The following RAB37 variants were observed in gnomAD, a reference collection of about 807,000 sequenced individuals.
RAB37 encodes the protein RAB37, member RAS oncogene family, also known as ras-related protein Rab-37.
A neutral mutation model predicts 33.1 loss-of-function variants in RAB37; 29 were observed. That is an observed-to-expected ratio of 0.88 (90% CI 0.65 to 1.20). The LOEUF is 1.20. Ranked by LOEUF, RAB37 falls within the 50% of genes most tolerant of loss-of-function variation. The pLI is 0.00. For missense variants in RAB37, 299 were observed against 301.1 expected (o/e 0.99, Z 0.05); for synonymous variants, 128 against 119.5 (o/e 1.07, Z -0.47).
intron 1 of RAB37, among the ~76,000 whole-genome samples, chr17:74,718,481 T>C (rs1000726921): frequency 6.6e-6 from 1 of 152,166 alleles, no homozygotes; most frequent in African/African-American, 2.4e-5. Flanking sequence ...ACCTGCTCCT[T>C]GACAAAGTGG....
intron 1 of RAB37, chr17:74,703,202 C>A: frequency 7.1e-7 from 1 of 1,405,786 alleles, no homozygotes; most frequent in Non-Finnish European, 1.0e-6. Flanking sequence ...ATGAGCCCAC[C>A]CGCAGCCCTG....
intron 1 of RAB37, among the ~76,000 whole-genome samples, chr17:74,677,914 A>G (rs113041702): frequency 8.2e-4 from 125 of 152,210 alleles, no homozygotes; most frequent in Admixed American, 2.0e-3. Flanking sequence ...TTTGTGAGAA[A>G]ATGTCTGAGA....
rs757261313 is a variant in RAB37, at chr17:74,742,211, A to G, written c.205-43A>G. The G allele has an allele frequency of 6.2e-7, 1 of 1,607,972 alleles. No individual in the cohort carries two copies. Among genetic ancestry groups the G allele is most frequent in the East Asian group, 2.2e-5 (1 of 44,644 alleles). Reference sequence around the variant, plus strand: ...AGGACGTCTGCAGAGCTGAGGAGCCACATGACTCCTGCCCTCCCATCCTCT... The same window carrying G: ...AGGACGTCTGCAGAGCTGAGGAGCCGCATGACTCCTGCCCTCCCATCCTCT... On this transcript the variant is annotated intron_variant, in intron 2 of 8. Transcript: ENST00000392613. This position sits in a 1 kb window ranked among gnomAD's most constrained non-coding sequence, Gnocchi z 4.0.
At chr17:74,715,108 G>C (rs1409238616) in intron 1 of RAB37, among the ~76,000 whole-genome samples, 1 of 152,148 alleles carries the variant, frequency 6.6e-6, no homozygotes, top group Admixed American at 6.6e-5. Flanking sequence ...GGCAACAAGA[G>C]TGAAACTCCA....
At chr17:74,731,035 T>C (rs747080118) in intron 2 of RAB37, among the ~76,000 whole-genome samples, 2 of 152,222 alleles carry the variant, frequency 1.3e-5, no homozygotes, top group Non-Finnish European at 2.9e-5. Context: ...GATGTTCTGG[T>C]GCATCTCAGG....
chr17:74,688,074 C>T (rs2032089206), intron 1 of RAB37, among the ~76,000 whole-genome samples: 1 of 152,104 alleles, frequency 6.6e-6, no homozygotes, highest in Admixed American at 6.6e-5. Context: ...CAACCAATAC[C>T]CTTCAGTCTC....
rs1017255669 is a variant in RAB37 at position 74,676,155 on chromosome 17, T to C, written c.72+4497T>C. On this transcript the variant is annotated intron_variant, in intron 1 of 7. Coordinates refer to the RAB37 transcript ENST00000340415. The surrounding 1 kb of genome is among the most constrained non-coding windows in gnomAD (Gnocchi z 4.1). ...TCCCAGAAAATGAAAAGATTTTCAT[T>C]TCATTTTCACAGAGAGGGCAAGCTT... Among the ~76,000 whole-genome samples, 17 of 152,026 alleles carry C rather than the reference T, an allele frequency of 1.1e-4. No homozygotes were observed. Among genetic ancestry groups the C allele is most frequent in the Non-Finnish European group, 2.2e-4 (15 of 67,990 alleles).
intron 1 of RAB37, among the ~76,000 whole-genome samples, chr17:74,718,202 G>A (rs2034191227): frequency 6.6e-6 from 1 of 151,612 alleles, no homozygotes; most frequent in South Asian, 2.1e-4. Flanking sequence ...GCTGAGGCAG[G>A]GGAATCACCT....
chr17:74,729,216 A>G lies in RAB37; in HGVS notation c.73-40A>G, dbSNP rs1189547585. The G allele has an allele frequency of 6.7e-7, 1 of 1,500,388 alleles. No individual in the cohort carries two copies. The highest frequency in any genetic ancestry group is 9.3e-7 in the Non-Finnish European group (1 of 1,076,366). The allele number at this position is 1,500,388 out of a possible 1,614,324, so 92.9% of individuals were successfully genotyped here. A position where few individuals can be genotyped will look rare whatever the true frequency, so the allele number is the denominator to read the frequency against. ...AAGGACACCTCTGAGGCCAACTCAC[A>G]TCACAGGCCCTCAGCTCTCTCTCTA... On this transcript the variant is annotated intron_variant, in intron 1 of 7. Coordinates refer to the RAB37 transcript ENST00000340415. This position sits in a 1 kb window ranked among gnomAD's most constrained non-coding sequence, Gnocchi z 4.2.
At chr17:74,723,169 A>G (rs1274128417) in intron 1 of RAB37, among the ~76,000 whole-genome samples, 2 of 152,220 alleles carry the variant, frequency 1.3e-5, no homozygotes, top group East Asian at 1.9e-4. Flanking sequence ...AGATTATAGC[A>G]GTGTATAACA....
rs146575164 is a variant in RAB37, at chr17:74,717,057, C to A, written c.73-12199C>A. On this transcript the variant is annotated intron_variant, in intron 1 of 7. Coordinates refer to the RAB37 transcript ENST00000340415. ...GGCTGAGGCAGGAGAATCACTTGAA[C>A]CTGGGAGGCAGAGGTTGCAGTGAGC... Among the ~76,000 whole-genome samples the A allele has an allele frequency of 1.0e-3, 154 of 152,280 alleles. 1 individual carries two copies. The highest frequency in any genetic ancestry group is 3.5e-3 in the African/African-American group (147 of 41,564).
rs750755467 is a variant in RAB37, at chr17:74,744,427, C to T, written c.432+54C>T. ...AGCCCTGCACTTCCTCAGCCCTAGC[C>T]GGCCCCATAACCACCCAAGAACAGT... On this transcript the variant is annotated intron_variant, in intron 6 of 8. Transcript: ENST00000392613. The surrounding 1 kb of genome is among the most constrained non-coding windows in gnomAD (Gnocchi z 4.2). 3.8e-6 allele frequency: 6 copies of T among 1,563,402 alleles called. No individual in the cohort carries two copies. Among genetic ancestry groups the T allele is most frequent in the Admixed American group, 1.7e-5 (1 of 59,842 alleles).
At chr17:74,705,020 C>T (rs1385161631) in intron 1 of RAB37, among the ~76,000 whole-genome samples, 4 of 152,196 alleles carry the variant, frequency 2.6e-5, no homozygotes, top group Non-Finnish European at 5.9e-5. Context: ...AGCACAACAA[C>T]GGATCCCCCC....
chr17:74,692,443 C>T (rs2032177019), intron 1 of RAB37, among the ~76,000 whole-genome samples: 1 of 152,082 alleles, frequency 6.6e-6, no homozygotes, highest in South Asian at 2.1e-4. Flanking sequence ...ACCAAGGTCA[C>T]CAATGCCAGA....
At chr17:74,736,497 G>A (rs2034476625), upstream of RAB37, 2 of 1,400,732 alleles carry the variant, frequency 1.4e-6, no homozygotes, top group South Asian at 3.1e-5. Context: ...GAATTTATTT[G>A]GCTCCTCCTC....
At chr17:74,728,889 CAT>C (rs2034347264) in intron 1 of RAB37, among the ~76,000 whole-genome samples, 1 of 151,352 alleles carries the variant, frequency 6.6e-6, no homozygotes, top group African/African-American at 2.4e-5. Context: ...TATGTGTGTA[CAT>C]GTGTTTTTCT....
intron 1 of RAB37, among the ~76,000 whole-genome samples, chr17:74,682,334 C>T (rs916079920): frequency 6.6e-6 from 1 of 152,120 alleles, no homozygotes; most frequent in Non-Finnish European, 1.5e-5. Context: ...CTGTCTCTCT[C>T]TCTCTCTCAT....
At chr17:74,715,023 G>A (rs570581648) in intron 1 of RAB37, among the ~76,000 whole-genome samples, 8 of 152,338 alleles carry the variant, frequency 5.3e-5, no homozygotes, top group African/African-American at 1.9e-4. Context: ...TCAGGAGGCT[G>A]AAGCAGGAGA....
Position 74,745,274 on chromosome 17 carries a change from A to C in RAB37, c.567-32A>C. The C allele has an allele frequency of 3.2e-6, 5 of 1,559,330 alleles. No homozygotes were observed. The highest frequency in any genetic ancestry group is 1.1e-5 in the South Asian group (1 of 89,912). On this transcript the variant is annotated intron_variant, in intron 8 of 8. Coordinates refer to ENST00000392613, the MANE Select transcript of RAB37 (RefSeq NM_001006638.3). This position sits in a 1 kb window ranked among gnomAD's most constrained non-coding sequence, Gnocchi z 4.5. ...TCAGCTCCTCACCCCAGCCCAGCCC[A>C]GCCCAGCCCAGCCCATTGTCTCTTC...
Sources: allele counts gnomAD v4.1 joint callset (sites outside exome capture counted in the v4.1 genomes callset), GRCh38; gene constraint gnomAD v4.1.1; non-coding constraint Gnocchi (gnomAD v3.1); transcripts MANE v1.5; gene names NCBI Gene and HGNC (gene_info 2026-07-23, HGNC 2026-07-21).